Variants in NOXRED1 observed in about 807,000 individuals in gnomAD.
The protein encoded by NOXRED1 is NADP-dependent oxidoreductase domain-containing protein 1.
NOXRED1 carries 20 observed loss-of-function variants against 30.4 expected under a neutral mutation model. The ratio of observed to expected loss-of-function variants is 0.66; its 90% CI spans 0.46 to 0.96. The LOEUF is 0.96. Among genes scored for constraint, NOXRED1 ranks in the 40% least tolerant of loss-of-function variants. NOXRED1 has a pLI of 0.00. For missense variants in NOXRED1, 374 were observed against 428.0 expected (o/e 0.87, Z 1.11); for synonymous variants, 155 against 168.0 (o/e 0.92, Z 0.60).
chr14:77,406,361 T>C (rs1448343546), intron 4 of NOXRED1: 2 of 598,052 alleles, frequency 3.3e-6, no homozygotes, highest in African/African-American at 3.7e-5. Context: ...ACAACTAATG[T>C]AGACATTGCT....
intron 2 of NOXRED1, 32 bp from the exon 3 acceptor site, chr14:77,407,677 C>T (rs1253078353): frequency 5.2e-6 from 8 of 1,548,764 alleles, no homozygotes; most frequent in Non-Finnish European, 6.2e-6. Flanking sequence ...AGGAAGAGCA[C>T]AGTACTAAAG....
chr14:77,419,070 C>CTT lies in NOXRED1; in HGVS notation c.155+3663_155+3664dup, dbSNP rs547826435. Reference sequence around the variant, plus strand: ...TTTATCTGGGAAGCTCTTTCTTTCTCTTTTTTTTTTTTTTTCTTGAGATAG... The same window carrying CTT: ...TTTATCTGGGAAGCTCTTTCTTTCTCTTTTTTTTTTTTTTTTTCTTGAGATAG... On this transcript the variant is annotated intron_variant, in intron 1 of 5. Coordinates refer to ENST00000380835, the MANE Select transcript of NOXRED1 (RefSeq NM_001113475.3). Among the ~76,000 whole-genome samples the CTT allele has an allele frequency of 2.4e-3, 331 of 139,196 alleles. 2 individuals are homozygous for CTT. Among genetic ancestry groups the CTT allele is most frequent in the African/African-American group, 6.1e-3 (229 of 37,334 alleles). The allele number at this position is 139,196 out of a possible 152,430, so 91.3% of individuals were successfully genotyped here.
intron 5 of NOXRED1, among the ~76,000 whole-genome samples, chr14:77,402,021 C>T (rs768299282): frequency 2.0e-4 from 31 of 151,974 alleles, no homozygotes; most frequent in Non-Finnish European, 2.5e-4. Flanking sequence ...AACCTTACAC[C>T]CTTCACAGAA....
chr14:77,412,643 G>C (rs1286061904), intron 2 of NOXRED1, among the ~76,000 whole-genome samples: 1 of 152,132 alleles, frequency 6.6e-6, no homozygotes, highest in Non-Finnish European at 1.5e-5. Context: ...CGCCTGAGTA[G>C]CTGGGACTAC....
At chr14:77,413,385 C>T (rs36007603) in intron 2 of NOXRED1, among the ~76,000 whole-genome samples, 5,654 of 151,962 alleles carry the variant, frequency 0.037, 124 homozygotes, top group African/African-American at 0.064. Context: ...ACTACAGGCA[C>T]GCACCATCAT....
chr14:77,397,614 C>T (rs143528373), intron 5 of NOXRED1, among the ~76,000 whole-genome samples: 2,983 of 152,136 alleles, frequency 0.02, 90 homozygotes, highest in African/African-American at 0.067. Context: ...TGGCTGGGTG[C>T]GGTGGCTCAC....
At chr14:77,395,320 A>G (rs1054496313) in intron 5 of NOXRED1, among the ~76,000 whole-genome samples, 6 of 151,550 alleles carry the variant, frequency 4.0e-5, no homozygotes, top group Non-Finnish European at 7.4e-5. Flanking sequence ...GTTAGCCAGG[A>G]TGGTCTCAAT....
At chr14:77,414,640 A>G (rs1036642719) in intron 1 of NOXRED1, among the ~76,000 whole-genome samples, 12 of 152,180 alleles carry the variant, frequency 7.9e-5, no homozygotes, top group African/African-American at 2.9e-4. Context: ...TCCAGAAACA[A>G]AAGTATAACC....
rs143345644 is a variant in NOXRED1, at chr14:77,398,148, G to A, written c.906-3343C>T. On this transcript the variant is annotated intron_variant, in intron 5 of 5. Coordinates refer to ENST00000380835, the MANE Select transcript of NOXRED1 (RefSeq NM_001113475.3). Reference sequence around the variant, plus strand: ...AACCCAGTGCCAAGATAGGGAACCCGGAACTGTAACTGACAAATTGCTGGA... The same window carrying A: ...AACCCAGTGCCAAGATAGGGAACCCAGAACTGTAACTGACAAATTGCTGGA... Among the ~76,000 whole-genome samples the A allele has an allele frequency of 3.4e-3, 512 of 152,200 alleles. 8 individuals carry two copies. Among genetic ancestry groups the A allele is most frequent in the Admixed American group, 0.026 (394 of 15,284 alleles).
intron 1 of NOXRED1, 51 bp downstream of exon 1, chr14:77,422,684 C>T (rs1355391273): frequency 1.3e-6 from 2 of 1,564,926 alleles, no homozygotes; most frequent in African/African-American, 1.4e-5. Context: ...CATTTGAATT[C>T]TCAGCAGTGA....
intron 5 of NOXRED1, among the ~76,000 whole-genome samples, chr14:77,397,305 A>G (rs1894213734): frequency 1.3e-5 from 2 of 152,268 alleles, no homozygotes; most frequent in Admixed American, 6.5e-5. Flanking sequence ...GGTGGCATAC[A>G]TATGATTCCA....
Position 77,396,634 on chromosome 14 carries a change from A to G in NOXRED1, c.906-1829T>C, listed in dbSNP as rs551256512. 3.9e-5 allele frequency among the ~76,000 whole-genome samples: 6 copies of G among 152,364 alleles called. No individual in the cohort carries two copies. The South Asian group carries it at 6.2e-4, about 16-fold the overall frequency. ...AAATAAACATACAAATATCAATTGT[A>G]TTTATATACAATAGTGATAAACATG... On this transcript the variant is annotated intron_variant, in intron 5 of 5. Coordinates refer to ENST00000380835, the MANE Select transcript of NOXRED1 (RefSeq NM_001113475.3).
In NOXRED1 at chr14:77,423,304, C is replaced by T. The variant is rs1358829171; in HGVS notation, c.-415G>A. Among the ~76,000 whole-genome samples the T allele has an allele frequency of 1.3e-5, 2 of 152,166 alleles. No homozygotes were observed. The highest frequency in any genetic ancestry group is 2.9e-5 in the Non-Finnish European group (2 of 68,032). On this transcript the variant is annotated 5_prime_UTR_variant, in exon 1 of 6. In the 5' UTR this introduces an upstream ATG that the reference lacks. Coordinates refer to ENST00000380835, the MANE Select transcript of NOXRED1 (RefSeq NM_001113475.3). ...TGCGTTTTGGAAATAGGACTGAACACATAGAACCACATTTCAAAGAAATGC... is the reference window on the plus strand; with the variant it reads ...TGCGTTTTGGAAATAGGACTGAACATATAGAACCACATTTCAAAGAAATGC...
At chr14:77,408,120 G>A (rs914067696) in intron 2 of NOXRED1, among the ~76,000 whole-genome samples, 7 of 152,086 alleles carry the variant, frequency 4.6e-5, no homozygotes, top group South Asian at 2.1e-4. Context: ...CGCCCATCTC[G>A]TCCGCCCAAA....
At chr14:77,422,643 A>G (rs1895025591) in intron 1 of NOXRED1, 92 bp downstream of exon 1, 1 of 1,273,596 alleles carries the variant, frequency 7.9e-7, no homozygotes, top group Non-Finnish European at 1.1e-6. Flanking sequence ...CACCAGCCAA[A>G]CTTACCCTCC....
Position 77,422,653 on chromosome 14 carries a change from C to T in NOXRED1, c.155+82G>A, listed in dbSNP as rs561789091. 380 of 1,395,408 alleles carry T rather than the reference C, an allele frequency of 2.7e-4. 5 individuals are homozygous for T. The highest frequency in any genetic ancestry group is 1.2e-3 in the South Asian group (103 of 85,938). 86.4% of individuals were successfully genotyped at this position (1,395,408 alleles called of 1,614,324 possible). Reference sequence around the variant, plus strand: ...CAATCCACCAGCCAAACTTACCCTCCAATATAAAAAAAATTTAAGACATTT... The same window carrying T: ...CAATCCACCAGCCAAACTTACCCTCTAATATAAAAAAAATTTAAGACATTT... On this transcript the variant is annotated intron_variant, in intron 1 of 5. Coordinates refer to ENST00000380835, the MANE Select transcript of NOXRED1 (RefSeq NM_001113475.3).
intron 5 of NOXRED1, among the ~76,000 whole-genome samples, chr14:77,404,614 T>TGAAAA (rs1221859565): frequency 7.9e-5 from 12 of 151,652 alleles, no homozygotes; most frequent in African/African-American, 2.7e-4. Context: ...AAGTATAGAA[T>TGAAAA]GAAAAGAAGT....
chr14:77,414,331 C>T (rs924810358), intron 1 of NOXRED1, among the ~76,000 whole-genome samples: 1 of 152,014 alleles, frequency 6.6e-6, no homozygotes, highest in Non-Finnish European at 1.5e-5. Flanking sequence ...AGGTGCCTGC[C>T]ACCACTCCCG....
chr14:77,414,730 C>A (rs1325282618), intron 1 of NOXRED1, among the ~76,000 whole-genome samples: 2 of 152,186 alleles, frequency 1.3e-5, no homozygotes, highest in African/African-American at 4.8e-5. Context: ...GTTAAACAGT[C>A]TGAATATTTA....
Sources: gnomAD v4.1 joint callset for allele counts (sites outside exome capture counted in the v4.1 genomes callset) on GRCh38, gnomAD v4.1.1 for gene constraint, MANE v1.5 for transcripts, NCBI Gene and HGNC (gene_info 2026-07-23, HGNC 2026-07-21) for gene names.